CCNH: variants seen among roughly 807,000 people sequenced by gnomAD.
The protein encoded by CCNH is cyclin-H.
In CCNH, 31 loss-of-function variants were observed where a neutral mutation model predicts 41.9. That is an observed-to-expected ratio of 0.74 (90% confidence interval 0.56 to 1.00). The LOEUF (loss-of-function observed/expected upper bound fraction) is 1.00. Among genes scored for constraint, CCNH ranks in the 50% least tolerant of loss-of-function variants. CCNH has a pLI of 0.00. For missense variants in CCNH, 362 were observed against 388.4 expected (o/e 0.93, Z 0.57); for synonymous variants, 138 against 136.1 (o/e 1.01, Z -0.10).
chr5:87,397,449 T>G (rs1393648276), intron 7 of CCNH, among the ~76,000 whole-genome samples: 1 of 152,212 alleles, frequency 6.6e-6, no homozygotes, highest in Non-Finnish European at 1.5e-5. Context: ...CATGAGCCAC[T>G]GTGCCCGGCC....
chr5:87,338,534 A>T (rs887336125), intron 9 of CCNH, among the ~76,000 whole-genome samples: 1,823 of 45,930 alleles, frequency 0.04, 91 homozygotes, highest in Middle Eastern at 0.081. Flanking sequence ...TATATATATA[A>T]AATTTTTTTT....
chr5:87,383,512 GAT>G (rs945607697), intron 9 of CCNH, among the ~76,000 whole-genome samples: 1 of 151,934 alleles, frequency 6.6e-6, no homozygotes, highest in African/African-American at 2.4e-5. Context: ...TCAAGAAGCA[GAT>G]ATATATATTC....
intron 9 of CCNH, among the ~76,000 whole-genome samples, chr5:87,334,556 A>T (rs1321580152): frequency 6.6e-6 from 1 of 152,234 alleles, no homozygotes; most frequent in Non-Finnish European, 1.5e-5. Context: ...TTTTCATAAC[A>T]TACTAAGACA....
intron 9 of CCNH, among the ~76,000 whole-genome samples, chr5:87,357,686 C>G (rs762375178): frequency 6.7e-6 from 1 of 150,300 alleles, no homozygotes; most frequent in Non-Finnish European, 1.5e-5. Flanking sequence ...GACTGGGAGA[C>G]AGAACGAGAT....
rs1338828544 is a variant in CCNH, at chr5:87,338,519, A to T, written c.*91-19622T>A. On this transcript the variant is annotated intron_variant and NMD_transcript_variant, in intron 9 of 9. Coordinates refer to the CCNH transcript ENST00000645953. ...GCTAATTTTATATATATATATATAT[A>T]TATATATATATATAAAATTTTTTTT... Among the ~76,000 whole-genome samples, 19 of 99,786 alleles carry T rather than the reference A, an allele frequency of 1.9e-4. 1 individual carries two copies. The highest frequency in any genetic ancestry group is 1.3e-3 in the East Asian group (4 of 3,134). 65.5% of individuals were successfully genotyped at this position (99,786 alleles called of 152,430 possible). A position where few individuals can be genotyped will look rare whatever the true frequency, so the allele number is the denominator to read the frequency against.
At chr5:87,345,530 A>G (rs1758799178) in intron 9 of CCNH, among the ~76,000 whole-genome samples, 1 of 152,134 alleles carries the variant, frequency 6.6e-6, no homozygotes, top group South Asian at 2.1e-4. Flanking sequence ...GAACTGTTTT[A>G]GTTGTTGTAT....
intron 5 of CCNH, among the ~76,000 whole-genome samples, chr5:87,402,666 T>A (rs751048884): frequency 7.9e-4 from 120 of 152,298 alleles, no homozygotes; most frequent in Middle Eastern, 3.4e-3. Flanking sequence ...TATTACATCA[T>A]CATCATCTAC....
At position 87,410,228 on chromosome 5, in the gene CCNH, T is replaced by C. The variant is rs1445807338; in HGVS notation, c.241-865A>G. On this transcript the variant is annotated intron_variant, in intron 2 of 8. Transcript: ENST00000256897. ...AAAAATTATTCACCAATGATAAACA[T>C]GTTATTTAAAAATAAATTCCATAAA... Among the ~76,000 whole-genome samples, 5 of 152,212 alleles carry C rather than the reference T, an allele frequency of 3.3e-5. No homozygotes were observed. In the East Asian group the frequency reaches 7.7e-4, roughly 23 times the overall value.
chr5:87,350,636 A>G (rs1023505595), intron 9 of CCNH, among the ~76,000 whole-genome samples: 4 of 151,632 alleles, frequency 2.6e-5, no homozygotes, highest in Non-Finnish European at 4.4e-5. Flanking sequence ...GTTGCTGAAC[A>G]CCATGATGGA....
In CCNH at chr5:87,349,350, C is replaced by T. The variant is rs752030661; in HGVS notation, c.*91-30453G>A. The T allele has an allele frequency of 5.0e-6, 8 of 1,611,532 alleles. No homozygotes were observed. Among genetic ancestry groups the T allele is most frequent in the African/African-American group, 1.3e-5 (1 of 74,866 alleles). ...CAAACAATCAGTTTATGATGGGAGG[C>T]CGGTATTATAACAGGTAAATCATAA... On this transcript the variant is annotated intron_variant and NMD_transcript_variant, in intron 9 of 9. Transcript: ENST00000645953.
At chr5:87,380,288 A>C (rs1353220499), upstream of CCNH, among the ~76,000 whole-genome samples, 2 of 152,176 alleles carry the variant, frequency 1.3e-5, no homozygotes, top group Non-Finnish European at 2.9e-5. Context: ...ATCTGAAAGT[A>C]AATGTCAGGA....
chr5:87,334,931 T>C (rs530632460), intron 9 of CCNH, among the ~76,000 whole-genome samples: 1 of 152,298 alleles, frequency 6.6e-6, no homozygotes, highest in Non-Finnish European at 1.5e-5. Flanking sequence ...TTACCCAGGC[T>C]GGAGTGCAGT....
chr5:87,390,642 C>T (rs1164087933), downstream of CCNH, among the ~76,000 whole-genome samples: 1 of 152,012 alleles, frequency 6.6e-6, no homozygotes, highest in East Asian at 1.9e-4. Flanking sequence ...AAATACTCAG[C>T]CAATGACTGA....
chr5:87,338,416 C>T (rs1039358357), intron 9 of CCNH, among the ~76,000 whole-genome samples: 1 of 148,768 alleles, frequency 6.7e-6, no homozygotes, highest in Non-Finnish European at 1.5e-5. Context: ...ACTGCAACCT[C>T]CACCTCCCAG....
intron 7 of CCNH, among the ~76,000 whole-genome samples, chr5:87,399,103 G>A (rs1763192109): frequency 1.3e-5 from 2 of 152,234 alleles, no homozygotes; most frequent in Non-Finnish European, 2.9e-5. Flanking sequence ...GACAGGAAAA[G>A]GTAAAAGGAT....
intron 9 of CCNH, among the ~76,000 whole-genome samples, chr5:87,383,092 TCAAAGAAAA>T (rs1263517525): frequency 6.6e-5 from 10 of 151,934 alleles, no homozygotes; most frequent in East Asian, 3.9e-4. Context: ...AAACCCTATC[TCAAAGAAAA>T]CAAAGAAAAA....
downstream of CCNH, among the ~76,000 whole-genome samples, chr5:87,371,911 A>G (rs71637273): frequency 0.01 from 1,536 of 152,076 alleles, 10 homozygotes; most frequent in Middle Eastern, 0.024. Flanking sequence ...CAGAATTACA[A>G]TTGTTTTGGT....
chr5:87,379,944 A>T (rs551271377), upstream of CCNH: 38 of 1,237,412 alleles, frequency 3.1e-5, no homozygotes, highest in East Asian at 8.9e-4. Flanking sequence ...TGTTGTCCTA[A>T]TATTATTATA....
downstream of CCNH, among the ~76,000 whole-genome samples, chr5:87,390,117 A>G (rs1206900907): frequency 6.6e-6 from 1 of 152,228 alleles, no homozygotes; most frequent in African/African-American, 2.4e-5. Flanking sequence ...AGATACAGAT[A>G]AGGATGTATT....
Sources: allele counts gnomAD v4.1 joint callset (sites outside exome capture counted in the v4.1 genomes callset), GRCh38; gene constraint gnomAD v4.1.1; transcripts MANE v1.5; gene names NCBI Gene and HGNC (gene_info 2026-07-23, HGNC 2026-07-21).